NLN: variants seen among roughly 807,000 people sequenced by gnomAD.
NLN encodes neurolysin, mitochondrial.
A neutral mutation model predicts 79.9 loss-of-function variants in NLN; 64 were observed. The ratio of observed to expected loss-of-function variants is 0.80; its 90% CI spans 0.65 to 0.99. The LOEUF is 0.99. Among genes scored for constraint, NLN ranks in the 50% least tolerant of loss-of-function variants. The pLI is 0.00. For synonymous variants in NLN, 267 were observed against 296.6 expected (o/e 0.90, Z 1.02); for missense variants, 835 against 858.7 (o/e 0.97, Z 0.34).
chr5:65,783,651 G>A (rs7719677), intron 6 of NLN, among the ~76,000 whole-genome samples: 2,645 of 151,158 alleles, frequency 0.017, 82 homozygotes, highest in African/African-American at 0.061. Context: ...CTTGAGGCCA[G>A]GAGTTCAAGA....
intron 4 of NLN, among the ~76,000 whole-genome samples, chr5:65,778,448 G>C (rs778920122): frequency 6.6e-6 from 1 of 151,980 alleles, no homozygotes. Context: ...TTTCTCCCAC[G>C]TAAAGCCCTT....
At chr5:65,742,591 T>C (rs993731457) in intron 1 of NLN, among the ~76,000 whole-genome samples, 22 of 152,202 alleles carry the variant, frequency 1.4e-4, no homozygotes, top group Non-Finnish European at 2.6e-4. Context: ...TCGTGAATGG[T>C]TGTTTATAGG....
At chr5:65,756,604 A>G (rs570467613) in intron 1 of NLN, among the ~76,000 whole-genome samples, 189 of 152,206 alleles carry the variant, frequency 1.2e-3, no homozygotes, top group African/African-American at 4.4e-3. Context: ...AAACCTTTCT[A>G]TGGCTCTCGA....
At chr5:65,772,018 C>T (rs1418070034) in intron 3 of NLN, among the ~76,000 whole-genome samples, 1 of 148,064 alleles carries the variant, frequency 6.8e-6, no homozygotes, top group Non-Finnish European at 1.5e-5. Flanking sequence ...CTTTTATTTT[C>T]CATGTCTTCT....
intron 3 of NLN, among the ~76,000 whole-genome samples, chr5:65,768,893 G>C (rs1341271358): frequency 6.6e-6 from 1 of 152,208 alleles, no homozygotes; most frequent in East Asian, 1.9e-4. Context: ...CCTGCCAAAA[G>C]CCTATTTACA....
At chr5:65,748,894 C>G (rs746110991) in intron 1 of NLN, among the ~76,000 whole-genome samples, 5 of 152,180 alleles carry the variant, frequency 3.3e-5, no homozygotes, top group Non-Finnish European at 7.3e-5. Context: ...CAAATCTCAT[C>G]TTGAATTATA....
At chr5:65,814,488 A>G (rs1258198656) in intron 12 of NLN, among the ~76,000 whole-genome samples, 1 of 152,170 alleles carries the variant, frequency 6.6e-6, no homozygotes, top group Non-Finnish European at 1.5e-5. Context: ...GTCTTAATTG[A>G]AGGTCTCACT....
Position 65,826,135 on chromosome 5 carries a change from T to C in NLN, c.*3220T>C, listed in dbSNP as rs1410791597. On this transcript the variant is annotated 3_prime_UTR_variant, in exon 13 of 13. Coordinates refer to ENST00000380985, the MANE Select transcript of NLN (RefSeq NM_020726.5). ...TCCCCAAAAGTGTCAGGTAGACATG[T>C]TACAAATAGCTCTGTAGAGAGCCAT... 1.3e-5 allele frequency: 2 copies of C among 152,242 alleles called. No individual in the cohort carries two copies. The highest frequency in any genetic ancestry group is 2.1e-4 in the South Asian group (1 of 4,812). 9.4% of individuals were successfully genotyped at this position (152,242 alleles called of 1,614,324 possible).
intron 12 of NLN, among the ~76,000 whole-genome samples, chr5:65,818,407 A>G (rs1368118686): frequency 6.6e-6 from 1 of 151,596 alleles, no homozygotes; most frequent in Non-Finnish European, 1.5e-5. Context: ...ACATACTCCT[A>G]CCCAGTGTGT....
chr5:65,739,796 A>G (rs1758832249), intron 1 of NLN, among the ~76,000 whole-genome samples: 1 of 152,002 alleles, frequency 6.6e-6, no homozygotes, highest in South Asian at 2.1e-4. Context: ...TGCCATTTAT[A>G]TGTTGCTTTT....
At chr5:65,781,207 A>G in intron 5 of NLN, 54 bp from the exon 6 acceptor site, 1 of 1,236,592 alleles carries the variant, frequency 8.1e-7, no homozygotes, top group East Asian at 2.3e-5. Flanking sequence ...GCCAATACTA[A>G]ATAAACCAGC....
In NLN at chr5:65,732,644, G is replaced by A. The variant is rs1268621187; in HGVS notation, c.41+10230G>A. On this transcript the variant is annotated intron_variant, in intron 1 of 12. Transcript: ENST00000380985. ...ATAAAGTGATAGGTGGTTTGCAGAC[G>A]CGGGCACGTCAGGGAACCTTTGCAG... Among the ~76,000 whole-genome samples the A allele has an allele frequency of 4.9e-5, 7 of 142,932 alleles. 2 individuals carry two copies. Among genetic ancestry groups the A allele is most frequent in the South Asian group, 4.4e-4 (2 of 4,562 alleles). The allele number at this position is 142,932 out of a possible 152,430, so 93.8% of individuals were successfully genotyped here.
intron 1 of NLN, among the ~76,000 whole-genome samples, chr5:65,729,407 C>T (rs1190471601): frequency 1.5e-5 from 2 of 130,788 alleles, no homozygotes; most frequent in Non-Finnish European, 3.1e-5. Context: ...TGGAGTCTTG[C>T]ACTGTTGCCC....
At chr5:65,769,295 C>T (rs941456588) in intron 3 of NLN, among the ~76,000 whole-genome samples, 4 of 151,882 alleles carry the variant, frequency 2.6e-5, no homozygotes, top group Non-Finnish European at 5.9e-5. Flanking sequence ...TTAATGGGAA[C>T]CAAAAGGAAA....
In NLN at chr5:65,792,595, C is replaced by A. The variant is rs2707781; in HGVS notation, c.1467C>A (p.His489Gln). Reference sequence around the variant, plus strand: ...CAGGTCGTCCCTCTCTCCTGAGACACGACGAGGTGAGGACTTACTTTCATG... The same window carrying A: ...CAGGTCGTCCCTCTCTCCTGAGACAAGACGAGGTGAGGACTTACTTTCATG... ...PVAGRPSLLRHDEVRTYFHEF... is the reference protein window; with the variant it reads ...PVAGRPSLLRQDEVRTYFHEF... The change falls in exon 9 of 13, where the codon CAC (histidine) becomes CAA (glutamine). Residue 489 changes from histidine (H) to glutamine (Q), a missense_variant. By Grantham distance (24) the His-to-Gln change is conservative. Transcript: ENST00000380985. The A allele has an allele frequency of 6.2e-7, 1 of 1,613,828 alleles. No homozygotes were observed. The highest frequency in any genetic ancestry group is 1.3e-5 in the African/African-American group (1 of 74,900).
chr5:65,777,614 A>G (rs921569695), intron 4 of NLN, 80 bp downstream of exon 4: 2 of 938,688 alleles, frequency 2.1e-6, no homozygotes, highest in Non-Finnish European at 3.3e-6. Flanking sequence ...TCCCTAATCC[A>G]GAAATCCAAA....
In NLN at chr5:65,761,028, AT is replaced by A. The variant is rs1759325558; in HGVS notation, c.302-1931del. Among the ~76,000 whole-genome samples, 5 of 152,142 alleles carry A rather than the reference AT, an allele frequency of 3.3e-5. No individual in the cohort carries two copies. The South Asian group carries it at 1.0e-3, about 32-fold the overall frequency. On this transcript the variant is annotated intron_variant, in intron 2 of 12. Coordinates refer to ENST00000380985, the MANE Select transcript of NLN (RefSeq NM_020726.5). Reference sequence around the variant, plus strand: ...TCTGGGCATATTCTCTGAGTCCATTATGCCTCTCACAGTAGCTGTTGAAACC... The same window carrying A: ...TCTGGGCATATTCTCTGAGTCCATTAGCCTCTCACAGTAGCTGTTGAAACC...
intron 6 of NLN, 90 bp downstream of exon 6, chr5:65,781,511 A>C: frequency 1.1e-6 from 1 of 913,986 alleles, no homozygotes; most frequent in Non-Finnish European, 1.8e-6. Context: ...GTCAGCTCAG[A>C]GACTGATATT....
intron 9 of NLN, among the ~76,000 whole-genome samples, chr5:65,800,351 A>T (rs1271641221): frequency 6.6e-6 from 1 of 152,226 alleles, no homozygotes; most frequent in Non-Finnish European, 1.5e-5. Flanking sequence ...GAAACAGAGT[A>T]CATTTTAGAC....
Sources: allele counts gnomAD v4.1 joint callset (sites outside exome capture counted in the v4.1 genomes callset), GRCh38; gene constraint gnomAD v4.1.1; transcripts MANE v1.5; gene names NCBI Gene and HGNC (gene_info 2026-07-23, HGNC 2026-07-21).